Variants in CEP128 observed in about 807,000 individuals in gnomAD.
The protein encoded by CEP128 is centrosomal protein 128, also known as centrosomal protein 128kDa.
CEP128 carries 132 observed loss-of-function variants against 156.7 expected under a neutral mutation model. The observed-to-expected ratio is 0.84, with a 90% CI of 0.73 to 0.97. CEP128 has a LOEUF of 0.97. Ranked by LOEUF, CEP128 falls within the 50% of genes least tolerant of loss-of-function variation. The probability of loss-of-function intolerance (pLI) is 0.00; values close to 1 mark genes in which losing one functional copy is unlikely to be tolerated. For synonymous variants in CEP128, 469 were observed against 448.9 expected (o/e 1.04, Z -0.57); for missense variants, 1,252 against 1,281.9 (o/e 0.98, Z 0.36).
At chr14:80,689,557 C>T (rs1896647532) in intron 19 of CEP128, among the ~76,000 whole-genome samples, 1 of 152,112 alleles carries the variant, frequency 6.6e-6, no homozygotes, top group Admixed American at 6.5e-5. Context: ...ACAGAAGATA[C>T]AACTGTATTT....
At chr14:80,642,838 C>T (rs1322240239) in intron 19 of CEP128, among the ~76,000 whole-genome samples, 1 of 152,006 alleles carries the variant, frequency 6.6e-6, no homozygotes, top group African/African-American at 2.4e-5. Context: ...TCACTACAAC[C>T]TCAGCCTCCC....
intron 2 of CEP128, among the ~76,000 whole-genome samples, chr14:80,933,881 A>T (rs566853110): frequency 1.3e-5 from 2 of 152,334 alleles, no homozygotes; most frequent in South Asian, 2.1e-4. Context: ...GGAAGTCTGC[A>T]TATGTGAAGA....
chr14:80,763,155 A>G (rs1401360506), intron 16 of CEP128, among the ~76,000 whole-genome samples: 1 of 152,204 alleles, frequency 6.6e-6, no homozygotes, highest in Admixed American at 6.5e-5. Context: ...TTTATGAAAC[A>G]ATGTTCAAAT....
chr14:80,683,333 G>C (rs924124035), intron 19 of CEP128, among the ~76,000 whole-genome samples: 4 of 152,042 alleles, frequency 2.6e-5, no homozygotes, highest in Admixed American at 6.6e-5. Flanking sequence ...TATATTAGAT[G>C]AAAGAGACTT....
chr14:80,746,667 T>C (rs1899116856), intron 18 of CEP128, among the ~76,000 whole-genome samples: 1 of 152,218 alleles, frequency 6.6e-6, no homozygotes, highest in Non-Finnish European at 1.5e-5. Context: ...TAAATCGTTG[T>C]GACCTTGGCT....
intron 23 of CEP128, among the ~76,000 whole-genome samples, chr14:80,511,680 T>A (rs1334335146): frequency 6.6e-6 from 1 of 152,026 alleles, no homozygotes; most frequent in Non-Finnish European, 1.5e-5. Context: ...GATGCATCAC[T>A]CAGTTTTTTA....
At chr14:80,568,470 A>T (rs1216181067) in intron 20 of CEP128, among the ~76,000 whole-genome samples, 2 of 150,178 alleles carry the variant, frequency 1.3e-5, no homozygotes, top group Non-Finnish European at 1.5e-5. Context: ...TGCACAAGGA[A>T]CATTGTAATG....
chr14:80,924,749 TCTA>T (rs1354394017), intron 2 of CEP128, among the ~76,000 whole-genome samples: 3 of 151,908 alleles, frequency 2.0e-5, no homozygotes, highest in African/African-American at 7.3e-5. Flanking sequence ...TTTTAATGAT[TCTA>T]CTATTTTCAA....
In CEP128 at chr14:80,617,219, C is replaced by CTTTTTTTTTTTTT. The variant is rs3069115; in HGVS notation, c.2807-36809_2807-36797dup. Among the ~76,000 whole-genome samples the CTTTTTTTTTTTTT allele has an allele frequency of 2.7e-3, 161 of 60,214 alleles. 54 individuals are homozygous for CTTTTTTTTTTTTT. Among genetic ancestry groups the CTTTTTTTTTTTTT allele is most frequent in the African/African-American group, 6.3e-3 (97 of 15,468 alleles). The allele number at this position is 60,214 out of a possible 152,430, so 39.5% of individuals were successfully genotyped here. On this transcript the variant is annotated intron_variant, in intron 19 of 24. Coordinates refer to ENST00000555265, the MANE Select transcript of CEP128 (RefSeq NM_152446.5). ...ATCACTTAACCTATGTGAATATCAT[C>CTTTTTTTTTTTTT]TTTTTTTTTTTTTTTTTTTTTTTTT... is the stretch of plus-strand genomic sequence containing the variant.
At chr14:80,514,508 C>T (rs991528222) in intron 23 of CEP128, among the ~76,000 whole-genome samples, 2 of 152,058 alleles carry the variant, frequency 1.3e-5, no homozygotes, top group Non-Finnish European at 2.9e-5. Flanking sequence ...TTTTGAGTCA[C>T]TCTGATGCAT....
rs147752813 is a variant in CEP128 at position 80,577,294 on chromosome 14, G to A, written c.2856+3080C>T. ...TTATGATATGGACAACAGACATGAT[G>A]GCATCAAATTCTGCATGTTCAGATC... On this transcript the variant is annotated intron_variant, in intron 20 of 24. Coordinates refer to ENST00000555265, the MANE Select transcript of CEP128 (RefSeq NM_152446.5). Among the ~76,000 whole-genome samples the A allele has an allele frequency of 8.0e-4, 122 of 152,086 alleles. 1 individual carries two copies. Among genetic ancestry groups the A allele is most frequent in the African/African-American group, 2.9e-3 (119 of 41,486 alleles).
intron 19 of CEP128, among the ~76,000 whole-genome samples, chr14:80,610,727 A>G (rs948640307): frequency 6.6e-6 from 1 of 152,300 alleles, no homozygotes; most frequent in Admixed American, 6.5e-5. Flanking sequence ...GTGCAAAATG[A>G]CTTATGCATG....
chr14:80,607,318 CAA>C (rs1158794670), intron 19 of CEP128, among the ~76,000 whole-genome samples: 2 of 151,242 alleles, frequency 1.3e-5, no homozygotes, highest in African/African-American at 4.9e-5. Flanking sequence ...CCAAAATACA[CAA>C]AAAAAGAGAG....
intron 23 of CEP128, among the ~76,000 whole-genome samples, chr14:80,524,865 T>C (rs889132859): frequency 7.2e-5 from 11 of 152,174 alleles, no homozygotes; most frequent in African/African-American, 2.4e-4. Context: ...CTTGCAAAAT[T>C]TTCAAATTTG....
In CEP128 at chr14:80,761,617, A is replaced by C. The variant is rs1457030981; in HGVS notation, c.2377-4T>G. 6.4e-7 allele frequency: 1 copy of C among 1,573,932 alleles called. No individual in the cohort carries two copies. The highest frequency in any genetic ancestry group is 8.7e-7 in the Non-Finnish European group (1 of 1,155,842). On this transcript the variant is annotated splice_region_variant and splice_polypyrimidine_tract_variant and intron_variant, in intron 16 of 24. Transcript: ENST00000555265. The stretch of plus-strand genomic sequence containing the variant: ...CTTCAATGCTTATATGTTTTTCCTA[A>C]GGCATTGAAAGAAATTAAACAAGGT...
rs1900904244 is a variant in CEP128, at chr14:80,778,178, T to C, written c.2212-132A>G. The C allele has an allele frequency of 4.2e-6, 3 of 707,902 alleles. No homozygotes were observed. The Admixed American group carries it at 8.9e-5, about 21-fold the overall frequency. The allele number at this position is 707,902 out of a possible 1,614,324, so 43.9% of individuals were successfully genotyped here. ...GTTCAAAGCATTCATATATAAATAT[T>C]AAAATAAACACAAAGGAAATGTTCT... On this transcript the variant is annotated intron_variant, in intron 15 of 24. Transcript: ENST00000555265.
rs757409787 is a variant in CEP128 at position 80,792,830 on chromosome 14, T to G, written c.1490A>C (p.His497Pro). The change falls in exon 14 of 25, where the codon CAT (histidine) becomes CCT (proline). Residue 497 changes from histidine (H) to proline (P), a missense_variant. By Grantham distance (77) the His-to-Pro change is moderately conservative. Coordinates refer to ENST00000555265, the MANE Select transcript of CEP128 (RefSeq NM_152446.5). Reference protein sequence around the residue: ...QESIRQWKLKHKKLERALEKQ... With the variant: ...QESIRQWKLKPKKLERALEKQ... The stretch of plus-strand genomic sequence containing the variant: ...CTCCAACGCTCGTTCTAACTTCTTA[T>G]GCTTAAGCTTCCACTGCCTAATGGA... 1.2e-6 allele frequency: 2 copies of G among 1,614,252 alleles called. No homozygotes were observed. The highest frequency in any genetic ancestry group is 2.2e-5 in the South Asian group (2 of 91,088).
chr14:80,500,937 CT>C (rs1887703457), intron 24 of CEP128, among the ~76,000 whole-genome samples: 2 of 151,930 alleles, frequency 1.3e-5, no homozygotes, highest in African/African-American at 4.8e-5. Context: ...TATTAATTGA[CT>C]CTTGTTTTAA....
chr14:80,749,726 A>G (rs1899291785), intron 18 of CEP128, among the ~76,000 whole-genome samples: 1 of 152,214 alleles, frequency 6.6e-6, no homozygotes, highest in Non-Finnish European at 1.5e-5. Flanking sequence ...GGTTACAATG[A>G]ACAATAATTT....
Sources: gnomAD v4.1 joint callset for allele counts (sites outside exome capture counted in the v4.1 genomes callset) on GRCh38, gnomAD v4.1.1 for gene constraint, MANE v1.5 for transcripts, NCBI Gene and HGNC (gene_info 2026-07-23, HGNC 2026-07-21) for gene names.